HTR4: variants seen among roughly 807,000 people sequenced by gnomAD.
The protein encoded by HTR4 is 5-hydroxytryptamine (serotonin) receptor 4, G protein-coupled.
In HTR4, 16 loss-of-function variants were observed where a neutral mutation model predicts 36.8. That is an observed-to-expected ratio of 0.43 (90% CI 0.29 to 0.66). The LOEUF is 0.66. HTR4 is among the 30% of genes least tolerant of loss of function. The probability of loss-of-function intolerance (pLI) is 0.13; values close to 1 mark genes in which losing one functional copy is unlikely to be tolerated. For synonymous variants in HTR4, 189 were observed against 185.1 expected, an observed-to-expected ratio of 1.02 and a Z score of -0.17; for missense variants, 438 against 490.9, an observed-to-expected ratio of 0.89 and a Z score of 1.02.
chr5:148,492,187 C>A (rs568527562), intron 6 of HTR4, among the ~76,000 whole-genome samples: 1 of 152,286 alleles, frequency 6.6e-6, no homozygotes, highest in East Asian at 1.9e-4. Flanking sequence ...GACACCCTGA[C>A]AGTGGGTGCA....
chr5:148,577,656 C>A (rs1379977050), intron 2 of HTR4, among the ~76,000 whole-genome samples: 1 of 151,958 alleles, frequency 6.6e-6, no homozygotes, highest in Non-Finnish European at 1.5e-5. Flanking sequence ...AATAAGATCA[C>A]GTCTTTTGCA....
In HTR4 at chr5:148,497,135, C is replaced by A. The variant is rs898728627; in HGVS notation, c.1076+12321G>T. Among the ~76,000 whole-genome samples, 5 of 152,096 alleles carry A rather than the reference C, an allele frequency of 3.3e-5. No homozygotes were observed. The East Asian group carries it at 5.8e-4, about 18-fold the overall frequency. On this transcript the variant is annotated intron_variant, in intron 6 of 6. Coordinates refer to ENST00000377888, the MANE Select transcript of HTR4 (RefSeq NM_000870.7). ...AAGGTCTTATACTTTTCAAAAAAAACCATTTTTTTTAAGGAACTTTAGTTA... is the reference window on the plus strand; with the variant it reads ...AAGGTCTTATACTTTTCAAAAAAAAACATTTTTTTTAAGGAACTTTAGTTA...
intron 4 of HTR4, among the ~76,000 whole-genome samples, chr5:148,545,343 T>A (rs905930495): frequency 6.6e-6 from 1 of 152,346 alleles, no homozygotes; most frequent in Admixed American, 6.5e-5. Context: ...ATTTGTTCAA[T>A]CGTGTTTGTC....
At chr5:148,624,957 T>C (rs1233909275) in intron 2 of HTR4, among the ~76,000 whole-genome samples, 1 of 152,202 alleles carries the variant, frequency 6.6e-6, no homozygotes, top group Non-Finnish European at 1.5e-5. Flanking sequence ...AAACCACTAA[T>C]TACAAACAAC....
intron 2 of HTR4, among the ~76,000 whole-genome samples, chr5:148,588,527 CTTT>C (rs35749777): frequency 1.1e-4 from 12 of 110,160 alleles, no homozygotes; most frequent in African/African-American, 3.2e-4. Flanking sequence ...GGTTTTAATT[CTTT>C]TTTTTTTTTT....
chr5:148,598,749 G>A (rs570568505), intron 2 of HTR4, among the ~76,000 whole-genome samples: 4 of 152,094 alleles, frequency 2.6e-5, no homozygotes, highest in South Asian at 2.1e-4. Context: ...CTACTTTTTA[G>A]TATTGTGTCA....
chr5:148,623,273 G>C (rs1752978409), intron 2 of HTR4, among the ~76,000 whole-genome samples: 1 of 152,114 alleles, frequency 6.6e-6, no homozygotes, highest in South Asian at 2.1e-4. Context: ...AGGTCCTTCA[G>C]GAAAAATGGG....
chr5:148,584,588 T>G (rs1291024125), intron 2 of HTR4, among the ~76,000 whole-genome samples: 3 of 152,204 alleles, frequency 2.0e-5, no homozygotes, highest in African/African-American at 7.2e-5. Flanking sequence ...CAGACACTGA[T>G]AACTACCTTC....
chr5:148,471,382 T>C (rs1755564096), intron 5 of HTR4, among the ~76,000 whole-genome samples: 2 of 152,140 alleles, frequency 1.3e-5, no homozygotes, highest in Admixed American at 1.3e-4. Context: ...CATTCCCCAA[T>C]ATCTCAGCCA....
chr5:148,580,954 A>G (rs1761108009), intron 2 of HTR4, among the ~76,000 whole-genome samples: 1 of 151,378 alleles, frequency 6.6e-6, no homozygotes, highest in Non-Finnish European at 1.5e-5. Flanking sequence ...ACTGTTTTCC[A>G]TGGCAGCAGT....
intron 1 of HTR4, chr5:148,645,154 AT>A (rs1337984681): frequency 1.3e-5 from 2 of 152,208 alleles, no homozygotes; most frequent in East Asian, 3.8e-4. Context: ...AAGGAGTAGA[AT>A]TCAAATGGCT....
At chr5:148,539,813 G>A (rs552090882) in intron 4 of HTR4, among the ~76,000 whole-genome samples, 129 of 152,186 alleles carry the variant, frequency 8.5e-4, no homozygotes, top group African/African-American at 3.0e-3. Context: ...ACACTATGGC[G>A]ATTCCTCAAA....
chr5:148,551,844 G>A (rs541740680), intron 2 of HTR4, among the ~76,000 whole-genome samples: 102 of 152,230 alleles, frequency 6.7e-4, no homozygotes, highest in Admixed American at 1.7e-3. Flanking sequence ...CCTGTGCCCC[G>A]ACAGGCCATG....
At chr5:148,561,261 C>T (rs1760192152) in intron 2 of HTR4, among the ~76,000 whole-genome samples, 1 of 152,090 alleles carries the variant, frequency 6.6e-6, no homozygotes, top group Admixed American at 6.5e-5. Context: ...TCTCTCTGTA[C>T]AGAGTATAAT....
intron 2 of HTR4, among the ~76,000 whole-genome samples, chr5:148,584,285 G>A (rs979592605): frequency 6.6e-6 from 1 of 151,984 alleles, no homozygotes. Flanking sequence ...CCCCAAAAAA[G>A]GATTTTCTTA....
intron 3 of HTR4, 36 bp from the exon 4 acceptor site, chr5:148,548,904 G>A (rs1333894952): frequency 6.7e-7 from 1 of 1,495,320 alleles, no homozygotes; most frequent in East Asian, 2.3e-5. Context: ...GAGGCAGGGG[G>A]AGGGATGAAG....
chr5:148,482,573 G>A lies in HTR4; in HGVS notation c.*630C>T. On this transcript the variant is annotated 3_prime_UTR_variant, in exon 7 of 7. Transcript: ENST00000377888. ...AGAGGAGGACAGACATTGGACATAA[G>A]GAAGAGCAAGTGGACGTCTGGGACT... The A allele has an allele frequency of 1.0e-6, 1 of 986,656 alleles. No homozygotes were observed. Among genetic ancestry groups the A allele is most frequent in the Non-Finnish European group, 1.2e-6 (1 of 830,772 alleles). 61.1% of individuals were successfully genotyped at this position (986,656 alleles called of 1,614,324 possible).
At chr5:148,527,927 T>A (rs1581428353) in intron 4 of HTR4, among the ~76,000 whole-genome samples, 1 of 152,192 alleles carries the variant, frequency 6.6e-6, no homozygotes, top group South Asian at 2.1e-4. Flanking sequence ...TTACACATTT[T>A]ACATATACAG....
At chr5:148,451,351 TC>T in intron 5 of HTR4, 19 of 1,602,682 alleles carry the variant, frequency 1.2e-5, no homozygotes, top group Non-Finnish European at 1.5e-5. Flanking sequence ...CTCCTTCTAC[TC>T]TTGACTTCCT....
Sources: allele counts gnomAD v4.1 joint callset (sites outside exome capture counted in the v4.1 genomes callset), GRCh38; gene constraint gnomAD v4.1.1; transcripts MANE v1.5; gene names NCBI Gene and HGNC (gene_info 2026-07-23, HGNC 2026-07-21).